The following STAT2 variants were observed in gnomAD, a reference collection of about 807,000 sequenced individuals.
STAT2 encodes the protein interferon alpha induced transcriptional activator.
In STAT2, 51 loss-of-function variants were observed where a neutral mutation model predicts 122.3. That is an observed-to-expected ratio of 0.42 (90% confidence interval 0.33 to 0.53). The LOEUF is 0.53. Ranked by LOEUF, STAT2 falls within the 20% of genes least tolerant of loss-of-function variation. The probability of loss-of-function intolerance (pLI) is 0.10; values close to 1 mark genes in which losing one functional copy is unlikely to be tolerated. For missense variants in STAT2, 736 were observed against 1,010.3 expected (o/e 0.73, Z 3.68); for synonymous variants, 351 against 394.9 (o/e 0.89, Z 1.32).
chr12:56,350,750 G>A lies in STAT2; in HGVS notation c.1094+79C>T, dbSNP rs927700402. On this transcript the variant is annotated intron_variant, in intron 11 of 23. Transcript: ENST00000314128. ...TGGAAGGAGGAAGGAGATAGCCCTAGGGCCCTGTTGTGAAGAGTGAGTATC... is the reference window on the plus strand; with the variant it reads ...TGGAAGGAGGAAGGAGATAGCCCTAAGGCCCTGTTGTGAAGAGTGAGTATC... The A allele has an allele frequency of 1.1e-5, 16 of 1,462,812 alleles. No homozygotes were observed. The Admixed American group carries it at 1.2e-4, about 11-fold the overall frequency. The allele number at this position is 1,462,812 out of a possible 1,614,324, so 90.6% of individuals were successfully genotyped here.
intron 11 of STAT2, 95 bp from the exon 12 acceptor site, chr12:56,350,527 G>T: frequency 8.5e-7 from 1 of 1,171,478 alleles, no homozygotes; most frequent in Non-Finnish European, 1.2e-6. Context: ...GTTCAAACCC[G>T]ACTTGAGCTC....
At position 56,346,433 on chromosome 12, in the gene STAT2, G is replaced by A. The variant is rs200444661; in HGVS notation, c.2044+9C>T. The A allele has an allele frequency of 1.6e-4, 255 of 1,614,058 alleles. 1 individual carries two copies. Among genetic ancestry groups the A allele is most frequent in the Admixed American group, 4.2e-4 (25 of 60,014 alleles). ...CAATCTAGCAATGAAGTATGTCAACGATTCCCACCTTTCTCCTGGTAGTAG... is the reference window on the plus strand; with the variant it reads ...CAATCTAGCAATGAAGTATGTCAACAATTCCCACCTTTCTCCTGGTAGTAG... On this transcript the variant is annotated intron_variant, in intron 21 of 23. Coordinates refer to ENST00000314128, the MANE Select transcript of STAT2 (RefSeq NM_005419.4).
intron 1 of STAT2, among the ~76,000 whole-genome samples, chr12:56,359,029 C>A (rs1879962563): frequency 6.6e-6 from 1 of 152,120 alleles, no homozygotes; most frequent in East Asian, 1.9e-4. Context: ...CAGCCTGAGC[C>A]TAACAGAACA....
Position 56,343,337 on chromosome 12 carries a change from A to G in STAT2, c.*52T>C. The G allele has an allele frequency of 6.3e-7, 1 of 1,585,914 alleles. No homozygotes were observed. Among genetic ancestry groups the G allele is most frequent in the Middle Eastern group, 1.7e-4 (1 of 5,940 alleles). ...CATCCTTGGAGAACAATATCATGCT[A>G]TGAGGAGTAGGAAGGGCAAGAGATA... On this transcript the variant is annotated 3_prime_UTR_variant, in exon 24 of 24. Coordinates refer to ENST00000314128, the MANE Select transcript of STAT2 (RefSeq NM_005419.4).
At chr12:56,355,894 T>C in intron 3 of STAT2, 91 bp from the exon 4 acceptor site, 1 of 1,393,184 alleles carries the variant, frequency 7.2e-7, no homozygotes, top group South Asian at 1.2e-5. Flanking sequence ...CCACAGTATT[T>C]CCTCCTCCTT....
intron 1 of STAT2, 72 bp from the exon 2 acceptor site, chr12:56,356,650 T>C: frequency 6.5e-7 from 1 of 1,536,690 alleles, no homozygotes; most frequent in Non-Finnish European, 8.8e-7. Context: ...TCATGATTGT[T>C]CATTATTACT....
intron 1 of STAT2, among the ~76,000 whole-genome samples, chr12:56,358,572 C>T (rs1879883787): frequency 6.6e-6 from 1 of 152,118 alleles, no homozygotes; most frequent in Non-Finnish European, 1.5e-5. Flanking sequence ...GGAGCCAAAT[C>T]TTTTTGGTGG....
At chr12:56,346,684 C>T in intron 20 of STAT2, 60 bp from the exon 21 acceptor site, 1 of 1,604,534 alleles carries the variant, frequency 6.2e-7, no homozygotes, top group South Asian at 1.1e-5. Flanking sequence ...TTGGAGCTCT[C>T]TGCTCTGGCT....
In STAT2 at chr12:56,356,525, T is replaced by C. The variant is rs761370532; in HGVS notation, c.47A>G (p.Asp16Gly). ...GTGCGAGTAAAGCTGGTGCAGCTGA[T>C]CCTGAAAGGGGCTGTCAAGATTCTG... Reference protein sequence around the residue: ...MLQNLDSPFQDQLHQLYSHSL... With the variant: ...MLQNLDSPFQGQLHQLYSHSL... The change falls in exon 2 of 24, where the codon GAT (aspartate) becomes GGT (glycine). Residue 16 changes from aspartate (D) to glycine (G), a missense_variant. Asp to Gly is a moderately conservative substitution (Grantham distance 94, BLOSUM62 -1). Transcript: ENST00000314128. 2 of 1,614,120 alleles carry C rather than the reference T, an allele frequency of 1.2e-6. No individual in the cohort carries two copies. Among genetic ancestry groups the C allele is most frequent in the African/African-American group, 2.7e-5 (2 of 74,936 alleles).
At chr12:56,350,017 C>A (rs1878198809) in intron 13 of STAT2, 80 bp downstream of exon 13, 2 of 1,342,796 alleles carry the variant, frequency 1.5e-6, no homozygotes, top group Non-Finnish European at 1.0e-6. Flanking sequence ...CCACTGCACT[C>A]CAGCCTGGGG....
In STAT2 at chr12:56,351,162, T is replaced by G. The variant is rs1259353788; in HGVS notation, c.970A>C (p.Met324Leu). Reference protein sequence around the residue: ...RAFVVETQPCMPQTPHRPLIL... With the variant: ...RAFVVETQPCLPQTPHRPLIL... ...AGGGGTCGATGGGGAGTTTGGGGCA[T>G]GCAGGGCTGGGTTTCTACCACAAAG... The change falls in exon 10 of 24, where the codon ATG (methionine) becomes CTG (leucine). Residue 324 changes from methionine (M) to leucine (L), a missense_variant. Met to Leu is a conservative substitution (Grantham distance 15). Coordinates refer to ENST00000314128, the MANE Select transcript of STAT2 (RefSeq NM_005419.4). 1.2e-6 allele frequency: 2 copies of G among 1,613,928 alleles called. No individual in the cohort carries two copies. Among genetic ancestry groups the G allele is most frequent in the African/African-American group, 1.3e-5 (1 of 74,896 alleles).
chr12:56,347,899 T>A (rs1051378751), intron 19 of STAT2, among the ~76,000 whole-genome samples: 2 of 152,146 alleles, frequency 1.3e-5, no homozygotes, highest in African/African-American at 4.8e-5. Context: ...GATTTGAATA[T>A]CAACTGTGTC....
intron 19 of STAT2, among the ~76,000 whole-genome samples, chr12:56,347,841 G>A (rs1220425592): frequency 1.3e-5 from 2 of 152,172 alleles, no homozygotes; most frequent in South Asian, 2.1e-4. Context: ...ACACAAGTTG[G>A]TAGGCAGTGT....
rs756886906 is a variant in STAT2 at position 56,346,220 on chromosome 12, CAAG to C, written c.2045-20_2045-18del. 2.5e-6 allele frequency: 4 copies of C among 1,613,582 alleles called. No individual in the cohort carries two copies. The African/African-American group carries it at 5.3e-5, about 22-fold the overall frequency. On this transcript the variant is annotated intron_variant, in intron 21 of 23. Transcript: ENST00000314128. ...GGAGATTAACTGTGAGGAACATATA[CAAG>C]AAGCAGAGAAGATCAGTGGGCCAGA... is the stretch of plus-strand genomic sequence containing the variant.
chr12:56,349,303 C>G (rs755400371), intron 15 of STAT2, 42 bp from the exon 16 acceptor site: 17 of 1,614,014 alleles, frequency 1.1e-5, no homozygotes, highest in East Asian at 2.2e-5. Context: ...TGTGATGTTT[C>G]TAGCTGCAGG....
chr12:56,343,678 G>T, intron 23 of STAT2, 147 bp from the exon 24 acceptor site: 1 of 1,519,596 alleles, frequency 6.6e-7, no homozygotes. Flanking sequence ...GTGGGGGAAG[G>T]CATGTGTAAT....
intron 15 of STAT2, 37 bp downstream of exon 15, chr12:56,349,389 G>T: frequency 8.7e-6 from 14 of 1,614,128 alleles, no homozygotes; most frequent in Non-Finnish European, 1.2e-5. Flanking sequence ...TTCTTCCAAA[G>T]CTGCTTTCTC....
chr12:56,351,593 G>A, intron 8 of STAT2, 143 bp from the exon 9 acceptor site: 2 of 869,910 alleles, frequency 2.3e-6, no homozygotes, highest in Non-Finnish European at 3.4e-6. Context: ...GCATATAAAG[G>A]ATTATTCAAC....
intron 22 of STAT2, among the ~76,000 whole-genome samples, chr12:56,345,678 G>A (rs748074604): frequency 4.8e-5 from 7 of 147,142 alleles, no homozygotes; most frequent in African/African-American, 7.6e-5. Context: ...AAAATTAGCT[G>A]AGTTTGGTGA....
Sources: gnomAD v4.1 joint callset for allele counts (sites outside exome capture counted in the v4.1 genomes callset) on GRCh38, gnomAD v4.1.1 for gene constraint, MANE v1.5 for transcripts, NCBI Gene and HGNC (gene_info 2026-07-23, HGNC 2026-07-21) for gene names.